SEZ6L2: variants seen among roughly 807,000 people sequenced by gnomAD.
SEZ6L2 encodes seizure 6-like protein 2.
Under a neutral mutation model 97.0 loss-of-function variants are expected in SEZ6L2, and 44 were observed. The ratio of observed to expected loss-of-function variants is 0.45; its 90% CI spans 0.36 to 0.58. The LOEUF (loss-of-function observed/expected upper bound fraction) is 0.58, where lower values mean the gene tolerates loss of function less well. Ranked by LOEUF, SEZ6L2 falls within the 20% of genes least tolerant of loss-of-function variation. The probability of loss-of-function intolerance (pLI) is 0.00; values close to 1 mark genes in which losing one functional copy is unlikely to be tolerated. For synonymous variants in SEZ6L2, 543 were observed against 546.1 expected (o/e 0.99, Z 0.08); for missense variants, 1,086 against 1,233.3 (o/e 0.88, Z 1.79).
intron 8 of SEZ6L2, among the ~76,000 whole-genome samples, chr16:29,885,303 A>G (rs2150798627): frequency 6.6e-6 from 1 of 152,304 alleles, no homozygotes. Context: ...CTAAGGATGA[A>G]GCCAGCACAG....
In SEZ6L2 at chr16:29,871,732, AAG is replaced by A; in HGVS notation, c.2743-6_2743-5del. 1 of 1,608,282 alleles carries A rather than the reference AAG, an allele frequency of 6.2e-7. No homozygotes were observed. Among genetic ancestry groups the A allele is most frequent in the Non-Finnish European group, 8.5e-7 (1 of 1,177,312 alleles). On this transcript the variant is annotated splice_region_variant and splice_polypyrimidine_tract_variant and intron_variant, in intron 17 of 17. Coordinates refer to ENST00000617533, the MANE Select transcript of SEZ6L2 (RefSeq NM_001243332.2). ...AAACTTCATACTCCCGCGTATCCTG[AAG>A]ACAGAGAGATCAGGTCAGTTGTTGG...
In SEZ6L2 at chr16:29,895,264, T is replaced by G; in HGVS notation, c.848A>C (p.Tyr283Ser). Residue 283 changes from tyrosine to serine, a missense_variant, in exon 5 of 18, where the codon TAT (tyrosine) becomes TCT (serine). Physicochemically the swap from Tyr to Ser is moderately radical, Grantham distance 144. Coordinates refer to ENST00000617533, the MANE Select transcript of SEZ6L2 (RefSeq NM_001243332.2). ...VPRGGGFRIH[Y>S]QAYLLSCGFP... ...AGCACCCTCAAACTCCTCACCCTGA[T>G]AGTGGATCCTGAAGCCACCGCCCCT... 1.2e-6 allele frequency: 2 copies of G among 1,609,920 alleles called. No individual in the cohort carries two copies. The highest frequency in any genetic ancestry group is 1.7e-6 in the Non-Finnish European group (2 of 1,177,996).
At chr16:29,880,965 A>G (rs1199599904) in intron 8 of SEZ6L2, among the ~76,000 whole-genome samples, 3 of 138,442 alleles carry the variant, frequency 2.2e-5, no homozygotes, top group Non-Finnish European at 4.7e-5. Context: ...GTAGAGATGG[A>G]GTTTCACCAT....
At chr16:29,898,487 C>T (rs1379457342) in intron 1 of SEZ6L2, among the ~76,000 whole-genome samples, 2 of 151,966 alleles carry the variant, frequency 1.3e-5, no homozygotes, top group East Asian at 3.9e-4. Context: ...GCAGTCTCTG[C>T]CTCCTTCCCT....
chr16:29,895,927 C>T (rs1049628063), intron 3 of SEZ6L2, 67 bp from the exon 4 acceptor site: 31 of 1,509,714 alleles, frequency 2.1e-5, no homozygotes, highest in Non-Finnish European at 2.6e-5. Flanking sequence ...CCAAGCAACT[C>T]TGGCCTTCAT....
At chr16:29,872,818 G>C (rs1319743390) in intron 14 of SEZ6L2, 75 bp from the exon 15 acceptor site, 5 of 1,274,038 alleles carry the variant, frequency 3.9e-6, no homozygotes, top group Non-Finnish European at 3.3e-6. Context: ...CGGGAGCCCG[G>C]TGGGGCTGGG....
Position 29,871,720 on chromosome 16 carries a change from C to T in SEZ6L2, c.2751G>A (p.Arg917=), listed in dbSNP as rs139303426. The change falls in exon 18 of 18, where the codon CGG becomes CGA. Residue 917 remains arginine (R), a synonymous_variant. Transcript: ENST00000617533. Reference sequence around the variant, plus strand: ...GGGTTCAGATGGAAACTTCATACTCCCGCGTATCCTGAAGACAGAGAGATC... The same window carrying T: ...GGGTTCAGATGGAAACTTCATACTCTCGCGTATCCTGAAGACAGAGAGATC... ...SNPLYEAGDT[R]EYEVSI 2 of 1,608,776 alleles carry T rather than the reference C, an allele frequency of 1.2e-6. No homozygotes were observed. The highest frequency in any genetic ancestry group is 1.6e-4 in the Middle Eastern group (1 of 6,080).
chr16:29,871,970 G>C (rs890424229), intron 17 of SEZ6L2, among the ~76,000 whole-genome samples: 2 of 152,174 alleles, frequency 1.3e-5, no homozygotes, highest in African/African-American at 2.4e-5. Context: ...CTATGGGGTA[G>C]AGCCGTATTC....
At chr16:29,884,585 C>G (rs1217245044) in intron 8 of SEZ6L2, among the ~76,000 whole-genome samples, 1 of 150,860 alleles carries the variant, frequency 6.6e-6, no homozygotes. Context: ...GAGAGGAACT[C>G]TGTCTCAAAA....
At chr16:29,890,532 AAC>A (rs1490343928) in intron 5 of SEZ6L2, among the ~76,000 whole-genome samples, 1 of 152,060 alleles carries the variant, frequency 6.6e-6, no homozygotes, top group African/African-American at 2.4e-5. Flanking sequence ...TAGCCTACAC[AAC>A]ACAGTTTTGT....
chr16:29,895,696 C>A (rs1304820187), intron 4 of SEZ6L2, 25 bp downstream of exon 4: 1 of 1,602,828 alleles, frequency 6.2e-7, no homozygotes, highest in Non-Finnish European at 8.5e-7. Context: ...GGAAGCTGCA[C>A]AGTCACATGC....
chr16:29,887,379 C>A (rs1330176386), intron 7 of SEZ6L2, among the ~76,000 whole-genome samples: 1 of 149,894 alleles, frequency 6.7e-6, no homozygotes, highest in Non-Finnish European at 1.5e-5. Context: ...TGGCTCACTG[C>A]AAGCTCTGCC....
At chr16:29,877,537 C>T in intron 10 of SEZ6L2, 70 bp from the exon 11 acceptor site, 1 of 1,356,410 alleles carries the variant, frequency 7.4e-7, no homozygotes, top group Non-Finnish European at 1.0e-6. Flanking sequence ...CTGCCCCATC[C>T]TCAACTCTGC....
Position 29,899,107 on chromosome 16 carries a change from A to ATTTTT in SEZ6L2, c.-89_-88insAAAAA. The ATTTTT allele has an allele frequency of 2.9e-6, 2 of 688,554 alleles. No individual in the cohort carries two copies. Among genetic ancestry groups the ATTTTT allele is most frequent in the Non-Finnish European group, 4.5e-6 (2 of 447,234 alleles). 42.7% of individuals were successfully genotyped at this position (688,554 alleles called of 1,614,324 possible). A position where few individuals can be genotyped will look rare whatever the true frequency, so the allele number is the denominator to read the frequency against. On this transcript the variant is annotated 5_prime_UTR_variant, in exon 1 of 18. Coordinates refer to ENST00000617533, the MANE Select transcript of SEZ6L2 (RefSeq NM_001243332.2). Reference sequence around the variant, plus strand: ...CCGTCTCCGTTTATCTTTCCCTTTAATTGTTTTTTTTTTTTTTTTTTTTTT... The same window carrying ATTTTT: ...CCGTCTCCGTTTATCTTTCCCTTTAATTTTTTTGTTTTTTTTTTTTTTTTTTTTTT...
chr16:29,893,445 G>A (rs1478288445), intron 5 of SEZ6L2, among the ~76,000 whole-genome samples: 6 of 151,954 alleles, frequency 3.9e-5, no homozygotes, highest in African/African-American at 7.2e-5. Context: ...TCAGGAGTTC[G>A]AGACCAGCCT....
chr16:29,898,805 G>T, intron 1 of SEZ6L2, 136 bp downstream of exon 1: 1 of 665,542 alleles, frequency 1.5e-6, no homozygotes, highest in Non-Finnish European at 2.6e-6. Flanking sequence ...GAAAGCTCTG[G>T]CTTGCCCCTT....
At chr16:29,879,831 C>G in intron 9 of SEZ6L2, 33 bp downstream of exon 9, 2 of 1,555,862 alleles carry the variant, frequency 1.3e-6, no homozygotes, top group East Asian at 2.3e-5. Flanking sequence ...GCAACGTGGA[C>G]TGAAGGACAT....
At position 29,899,029 on chromosome 16, in the gene SEZ6L2, C is replaced by T; in HGVS notation, c.-10G>A. ...CCCTGGGAGTCCCCATGGCGACTCA[C>T]CCCGATCTCTCTCCTCTGTGCCTCT... is the stretch of plus-strand genomic sequence containing the variant. On this transcript the variant is annotated 5_prime_UTR_variant, in exon 1 of 18. The change creates a new upstream start codon in the 5' untranslated region. Coordinates refer to ENST00000617533, the MANE Select transcript of SEZ6L2 (RefSeq NM_001243332.2). The T allele has an allele frequency of 6.2e-7, 1 of 1,603,680 alleles. No individual in the cohort carries two copies. Among genetic ancestry groups the T allele is most frequent in the Non-Finnish European group, 8.5e-7 (1 of 1,175,734 alleles).
chr16:29,871,798 G>A, intron 17 of SEZ6L2, 70 bp from the exon 18 acceptor site: 1 of 1,408,196 alleles, frequency 7.1e-7, no homozygotes, highest in Non-Finnish European at 9.9e-7. Context: ...AATGGGAGGA[G>A]GGGCAACGAT....
Sources: allele counts gnomAD v4.1 joint callset (sites outside exome capture counted in the v4.1 genomes callset), GRCh38; gene constraint gnomAD v4.1.1; transcripts MANE v1.5; gene names NCBI Gene and HGNC (gene_info 2026-07-23, HGNC 2026-07-21).